The following RYR2 variants were observed in gnomAD, a reference collection of about 807,000 sequenced individuals.
RYR2 encodes cardiac muscle ryanodine receptor-calcium release channel.
A neutral mutation model predicts 601.1 loss-of-function variants in RYR2; 227 were observed. That is an observed-to-expected ratio of 0.38 (90% CI 0.34 to 0.42). The LOEUF (loss-of-function observed/expected upper bound fraction) is 0.42, where lower values mean the gene tolerates loss of function less well. Ranked by LOEUF, RYR2 falls within the 10% of genes least tolerant of loss-of-function variation. The pLI, the probability that RYR2 is intolerant of heterozygous loss-of-function variation, is 1.00. For synonymous variants in RYR2, 2,223 were observed against 2,175.1 expected, an observed-to-expected ratio of 1.02 and a Z score of -0.61; for missense variants, 4,646 against 6,156.5, an observed-to-expected ratio of 0.75 and a Z score of 8.21.
intron 11 of RYR2, among the ~76,000 whole-genome samples, chr1:237,418,677 A>C (rs1432723201): frequency 6.6e-6 from 1 of 152,100 alleles, no homozygotes; most frequent in African/African-American, 2.4e-5. Context: ...ATAAAAATAT[A>C]TATTATTCAG....
chr1:237,606,621 G>T (rs1475898690), intron 35 of RYR2, among the ~76,000 whole-genome samples: 1 of 152,164 alleles, frequency 6.6e-6, no homozygotes, highest in African/African-American at 2.4e-5. Flanking sequence ...TACCATCAGA[G>T]TCAACAGGAA....
At chr1:237,140,013 A>T (rs1054337300) in intron 1 of RYR2, among the ~76,000 whole-genome samples, 1 of 152,214 alleles carries the variant, frequency 6.6e-6, no homozygotes, top group Non-Finnish European at 1.5e-5. Flanking sequence ...AAAGTGGATG[A>T]CTGTCTGACT....
chr1:237,725,093 G>A (rs769689378), intron 74 of RYR2, among the ~76,000 whole-genome samples: 2 of 152,056 alleles, frequency 1.3e-5, no homozygotes, highest in Non-Finnish European at 1.5e-5. Context: ...GGGATGATAC[G>A]GAGCTGTTAG....
At chr1:237,446,509 GA>G (rs1345976058) in intron 14 of RYR2, among the ~76,000 whole-genome samples, 1 of 151,870 alleles carries the variant, frequency 6.6e-6, no homozygotes, top group African/African-American at 2.4e-5. Flanking sequence ...GTTTGGGAAA[GA>G]ATTTGAAAGG....
At chr1:237,423,294 A>T (rs762390530) in intron 12 of RYR2, 46 bp downstream of exon 12, 1 of 1,580,286 alleles carries the variant, frequency 6.3e-7, no homozygotes, top group African/African-American at 1.4e-5. Context: ...TTACCCGGTC[A>T]TATTTCCTTT....
At chr1:237,274,183 CATATT>C (rs1447975578) in intron 2 of RYR2, among the ~76,000 whole-genome samples, 1 of 149,570 alleles carries the variant, frequency 6.7e-6, no homozygotes, top group Non-Finnish European at 1.5e-5. Flanking sequence ...ATTTAATGTA[CATATT>C]ATATATGATA....
chr1:237,467,262 A>G (rs1660187851), intron 16 of RYR2, among the ~76,000 whole-genome samples: 2 of 149,046 alleles, frequency 1.3e-5, no homozygotes, highest in Non-Finnish European at 3.0e-5. Context: ...TATATATTAT[A>G]TATAAAATTA....
At chr1:237,437,088 A>T (rs901138643) in intron 12 of RYR2, among the ~76,000 whole-genome samples, 2 of 151,546 alleles carry the variant, frequency 1.3e-5, no homozygotes, top group Non-Finnish European at 2.9e-5. Flanking sequence ...TCTGTTGCCC[A>T]GGCTGGAGTG....
intron 27 of RYR2, among the ~76,000 whole-genome samples, chr1:237,556,880 C>CAAAA (rs869116177): frequency 6.0e-4 from 47 of 77,822 alleles, no homozygotes; most frequent in African/African-American, 1.3e-3. Flanking sequence ...TCCCTCCCAC[C>CAAAA]AAAAAAAAAA....
At chr1:237,830,173 T>C (rs982180698) in intron 102 of RYR2, 2 of 208,208 alleles carry the variant, frequency 9.6e-6, no homozygotes, top group African/African-American at 4.7e-5. Context: ...ACACAGTTAA[T>C]CCTGCTTAGA....
chr1:237,340,500 C>T (rs757456706), intron 3 of RYR2, among the ~76,000 whole-genome samples: 6 of 152,152 alleles, frequency 3.9e-5, no homozygotes, highest in Non-Finnish European at 7.4e-5. Context: ...TCCCCTTGTA[C>T]GTCCTCATAA....
At chr1:237,250,012 C>T (rs1462032094) in intron 1 of RYR2, among the ~76,000 whole-genome samples, 2 of 152,182 alleles carry the variant, frequency 1.3e-5, no homozygotes, top group African/African-American at 4.8e-5. Flanking sequence ...GTGGTTTACA[C>T]TTTGATCCTG....
intron 42 of RYR2, among the ~76,000 whole-genome samples, chr1:237,632,295 C>G (rs571385612): frequency 6.6e-6 from 1 of 152,014 alleles, no homozygotes; most frequent in African/African-American, 2.4e-5. Context: ...CTCCATGACA[C>G]AGACATTGGT....
chr1:237,042,578 C>A lies in RYR2; in HGVS notation c.48+9C>A. ...TCCAGTTCCTGCGAACTGTAAGCGC[C>A]GTGCGTCGCGTGTGCTGTCAGGGGA... On this transcript the variant is annotated intron_variant, in intron 1 of 104. Transcript: ENST00000366574. 1 of 1,257,996 alleles carries A rather than the reference C, an allele frequency of 7.9e-7. No homozygotes were observed. Among genetic ancestry groups the A allele is most frequent in the Non-Finnish European group, 1.0e-6 (1 of 993,462 alleles). 77.9% of individuals were successfully genotyped at this position (1,257,996 alleles called of 1,614,324 possible).
At chr1:237,177,733 CT>C (rs1199327073) in intron 1 of RYR2, among the ~76,000 whole-genome samples, 1 of 152,094 alleles carries the variant, frequency 6.6e-6, no homozygotes, top group Admixed American at 6.6e-5. Flanking sequence ...AAAAACCATG[CT>C]GCTATGAACA....
chr1:237,753,119 A>G (rs967889027), intron 80 of RYR2, among the ~76,000 whole-genome samples: 7 of 152,192 alleles, frequency 4.6e-5, no homozygotes, highest in African/African-American at 1.7e-4. Context: ...TCCTTCAGAA[A>G]CAATGTAAAT....
At chr1:237,099,992 C>A (rs1667908321) in intron 1 of RYR2, among the ~76,000 whole-genome samples, 1 of 152,154 alleles carries the variant, frequency 6.6e-6, no homozygotes. Context: ...ACAGTATCCT[C>A]GGTGCTGCCT....
At chr1:237,340,476 C>T (rs995304140) in intron 3 of RYR2, among the ~76,000 whole-genome samples, 7 of 152,148 alleles carry the variant, frequency 4.6e-5, no homozygotes, top group African/African-American at 1.7e-4. Flanking sequence ...GATCTAATTA[C>T]CTACCCAACA....
intron 1 of RYR2, among the ~76,000 whole-genome samples, chr1:237,251,414 C>T (rs1687454466): frequency 6.6e-6 from 1 of 152,152 alleles, no homozygotes; most frequent in South Asian, 2.1e-4. Flanking sequence ...TTCTAAACTG[C>T]CTTCTCACTC....
Sources: allele counts gnomAD v4.1 joint callset (sites outside exome capture counted in the v4.1 genomes callset), GRCh38; gene constraint gnomAD v4.1.1; transcripts MANE v1.5; gene names NCBI Gene and HGNC (gene_info 2026-07-23, HGNC 2026-07-21).